LRRC8D: variants seen among roughly 807,000 people sequenced by gnomAD.
LRRC8D encodes the protein leucine rich repeat containing 8 VRAC subunit D, also known as volume-regulated anion channel subunit LRRC8D.
A neutral mutation model predicts 55.8 loss-of-function variants in LRRC8D; 20 were observed. The ratio of observed to expected loss-of-function variants is 0.36; its 90% CI spans 0.25 to 0.52. The LOEUF is 0.52. Among genes scored for constraint, LRRC8D ranks in the 20% least tolerant of loss-of-function variants. LRRC8D has a pLI of 0.93. For missense variants in LRRC8D, 651 were observed against 1,030.8 expected (o/e 0.63, Z 5.05); for synonymous variants, 352 against 377.0 (o/e 0.93, Z 0.77).
chr1:89,829,679 A>G (rs1229347511), intron 1 of LRRC8D, among the ~76,000 whole-genome samples: 1 of 152,220 alleles, frequency 6.6e-6, no homozygotes, highest in East Asian at 1.9e-4. Flanking sequence ...TGAAGAGTAG[A>G]GCCATAGCGG....
rs1052209715 is a variant in LRRC8D, at chr1:89,925,008, C to T, written c.-2-8059C>T. Among the ~76,000 whole-genome samples the T allele has an allele frequency of 4.6e-5, 7 of 152,296 alleles. No homozygotes were observed. In the South Asian group the frequency reaches 6.2e-4, roughly 14 times the overall value. Reference sequence around the variant, plus strand: ...TTGGGGGTCCCCAACCCCTGGGCCACGGACTGCTGCTGATTCATGGCCTGT... The same window carrying T: ...TTGGGGGTCCCCAACCCCTGGGCCATGGACTGCTGCTGATTCATGGCCTGT... On this transcript the variant is annotated intron_variant, in intron 2 of 2. Transcript: ENST00000337338.
At chr1:89,891,921 C>T (rs1348862386) in intron 2 of LRRC8D, among the ~76,000 whole-genome samples, 4 of 152,174 alleles carry the variant, frequency 2.6e-5, no homozygotes, top group Non-Finnish European at 4.4e-5. Flanking sequence ...GTATTAACAA[C>T]TCTGGGTTCT....
intron 1 of LRRC8D, among the ~76,000 whole-genome samples, chr1:89,836,304 A>C (rs1661004182): frequency 6.6e-6 from 1 of 152,222 alleles, no homozygotes; most frequent in Admixed American, 6.5e-5. Context: ...ATTTCTCAAC[A>C]TTAAAGAAAT....
At chr1:89,882,483 T>G (rs1183149014) in intron 2 of LRRC8D, among the ~76,000 whole-genome samples, 1 of 152,188 alleles carries the variant, frequency 6.6e-6, no homozygotes, top group African/African-American at 2.4e-5. Flanking sequence ...GCGCTGTGAG[T>G]CCACAGATGG....
At chr1:89,877,001 A>G (rs1283393195) in intron 2 of LRRC8D, among the ~76,000 whole-genome samples, 3 of 152,246 alleles carry the variant, frequency 2.0e-5, no homozygotes, top group Non-Finnish European at 2.9e-5. Context: ...GTTTTAATCA[A>G]TTTTAAAAAT....
chr1:89,934,449 A>T lies in LRRC8D; in HGVS notation c.1381A>T (p.Arg461Trp), dbSNP rs760271952. Residue 461 changes from arginine (R) to tryptophan (W), a missense_variant, in exon 3 of 3, where the codon AGG (arginine) becomes TGG (tryptophan). Physicochemically the swap from Arg to Trp is moderately radical, Grantham distance 101 (BLOSUM62 -3). This residue lies in a region of LRRC8D where 338 missense variants were observed against 479.4 expected (regional missense o/e 0.71). Coordinates refer to ENST00000337338, the MANE Select transcript of LRRC8D (RefSeq NM_001134479.2). This position sits in a 1 kb window ranked among gnomAD's most constrained non-coding sequence, Gnocchi z 5.9. ...CCATGAGTGGACATTTGAAAAACTCAGGCAGCACATTTCACGCAACGCCCA... is the reference window on the plus strand; with the variant it reads ...CCATGAGTGGACATTTGAAAAACTCTGGCAGCACATTTCACGCAACGCCCA... ...LNHEWTFEKL[R>W]QHISRNAQDK... 6.2e-7 allele frequency: 1 copy of T among 1,614,162 alleles called. No homozygotes were observed. Among genetic ancestry groups the T allele is most frequent in the Non-Finnish European group, 8.5e-7 (1 of 1,180,036 alleles).
chr1:89,896,729 A>G (rs1662723497), intron 2 of LRRC8D, among the ~76,000 whole-genome samples: 1 of 151,980 alleles, frequency 6.6e-6, no homozygotes, highest in Non-Finnish European at 1.5e-5. Flanking sequence ...GATGATAATA[A>G]TTACTCTTTC....
chr1:89,927,261 C>T (rs1570896566), intron 2 of LRRC8D, among the ~76,000 whole-genome samples: 1 of 152,220 alleles, frequency 6.6e-6, no homozygotes, highest in East Asian at 1.9e-4. Context: ...CAGCACATTC[C>T]TAGGACAGCT....
chr1:89,908,865 C>G (rs189004184), intron 2 of LRRC8D, among the ~76,000 whole-genome samples: 1 of 152,326 alleles, frequency 6.6e-6, no homozygotes, highest in East Asian at 1.9e-4. Context: ...ATAAATCCAG[C>G]TGCTGCTTCC....
At chr1:89,905,986 G>T (rs1165452508) in intron 2 of LRRC8D, among the ~76,000 whole-genome samples, 1 of 152,182 alleles carries the variant, frequency 6.6e-6, no homozygotes, top group East Asian at 1.9e-4. Flanking sequence ...CATTGAATGG[G>T]GAAGGAAGAG....
chr1:89,878,258 T>A (rs1324756346), intron 2 of LRRC8D, among the ~76,000 whole-genome samples: 2 of 152,176 alleles, frequency 1.3e-5, no homozygotes. Context: ...TGAAAATACT[T>A]TATAGTGCCT....
chr1:89,883,168 C>G lies in LRRC8D; in HGVS notation c.-3+39386C>G, dbSNP rs1662326670. Among the ~76,000 whole-genome samples the G allele has an allele frequency of 3.3e-5, 5 of 152,218 alleles. No homozygotes were observed. The South Asian group carries it at 6.2e-4, about 19-fold the overall frequency. On this transcript the variant is annotated intron_variant, in intron 2 of 2. Transcript: ENST00000337338. ...ATCACGCCTGTGAATAGCCACTGCA[C>G]TTTCACCGGGGCAGCTTAGTGAGAC...
chr1:89,864,443 C>A (rs1363979729), intron 2 of LRRC8D, among the ~76,000 whole-genome samples: 1 of 152,172 alleles, frequency 6.6e-6, no homozygotes, highest in Admixed American at 6.5e-5. Flanking sequence ...TGAACACTTT[C>A]CATGATGTAT....
chr1:89,853,707 C>T (rs761079556), intron 2 of LRRC8D, among the ~76,000 whole-genome samples: 4 of 151,938 alleles, frequency 2.6e-5, no homozygotes, highest in Non-Finnish European at 5.9e-5. Context: ...CAGAAGGGTC[C>T]GGTAGAGTGA....
At chr1:89,885,156 C>A (rs76823404) in intron 2 of LRRC8D, among the ~76,000 whole-genome samples, 1 of 152,172 alleles carries the variant, frequency 6.6e-6, no homozygotes, top group East Asian at 1.9e-4. Flanking sequence ...ATTTTGATAT[C>A]CTCTGAAATC....
chr1:89,893,829 G>A (rs1184222903), intron 2 of LRRC8D, among the ~76,000 whole-genome samples: 1 of 152,204 alleles, frequency 6.6e-6, no homozygotes, highest in East Asian at 1.9e-4. Flanking sequence ...AATATCTGGA[G>A]TAATTTAATT....
chr1:89,890,255 A>G (rs1662543415), intron 2 of LRRC8D, among the ~76,000 whole-genome samples: 1 of 152,218 alleles, frequency 6.6e-6, no homozygotes. Flanking sequence ...AGAGGGCAGC[A>G]TACCACACCC....
intron 2 of LRRC8D, among the ~76,000 whole-genome samples, chr1:89,847,944 A>C (rs1661320858): frequency 6.6e-6 from 1 of 152,240 alleles, no homozygotes; most frequent in South Asian, 2.1e-4. Flanking sequence ...CAGTACCCTG[A>C]AGTCTACAGG....
chr1:89,853,161 T>C (rs894771060), intron 2 of LRRC8D, among the ~76,000 whole-genome samples: 2 of 152,046 alleles, frequency 1.3e-5, no homozygotes, highest in African/African-American at 4.8e-5. Flanking sequence ...AAATAATTAG[T>C]TATTGATTAG....
Sources: allele counts gnomAD v4.1 joint callset (sites outside exome capture counted in the v4.1 genomes callset), GRCh38; gene constraint gnomAD v4.1.1; regional missense constraint gnomAD v4.1.1; non-coding constraint Gnocchi (gnomAD v3.1); transcripts MANE v1.5; gene names NCBI Gene and HGNC (gene_info 2026-07-23, HGNC 2026-07-21).